ZNF475: variants seen among roughly 807,000 people sequenced by gnomAD.
ZNF475 encodes the protein zinc finger protein 475.
the ZNF475 span, among the ~76,000 whole-genome samples, chr5:122,165,202 T>G: frequency 6.6e-6 from 1 of 152,218 alleles, no homozygotes; most frequent in Non-Finnish European, 1.5e-5. Context: ...TGAATCAGTC[T>G]CAGCTGTGTT....
At chr5:122,173,494 T>C in the ZNF475 span, among the ~76,000 whole-genome samples, 2 of 152,226 alleles carry the variant, frequency 1.3e-5, no homozygotes, top group Non-Finnish European at 2.9e-5. Context: ...CCAGGTTATA[T>C]ACAATAATTA....
At chr5:122,167,842 C>T in the ZNF475 span, among the ~76,000 whole-genome samples, 3 of 152,174 alleles carry the variant, frequency 2.0e-5, no homozygotes, top group African/African-American at 7.2e-5. Context: ...CACTAATCTA[C>T]AGATTAGTTT....
the ZNF475 span, chr5:122,182,581 C>G: frequency 7.2e-6 from 11 of 1,535,476 alleles, no homozygotes; most frequent in Non-Finnish European, 9.6e-6. Context: ...TGTGGGCGTA[C>G]CTTCCTGCCA....
chr5:122,161,104 ATCT>A, the ZNF475 span, among the ~76,000 whole-genome samples: 1 of 152,226 alleles, frequency 6.6e-6, no homozygotes, highest in African/African-American at 2.4e-5. Flanking sequence ...TTGGGACTCC[ATCT>A]TCTTCTCTCC....
chr5:122,166,527 G>A, the ZNF475 span, among the ~76,000 whole-genome samples: 4 of 152,220 alleles, frequency 2.6e-5, no homozygotes, highest in East Asian at 5.8e-4. Flanking sequence ...AGTGTATGAT[G>A]TTCCCCACCC....
chr5:122,174,094 A>G, the ZNF475 span, among the ~76,000 whole-genome samples: 1 of 151,604 alleles, frequency 6.6e-6, no homozygotes, highest in African/African-American at 2.4e-5. Context: ...TGCCCTCCTT[A>G]CTCTGTTATG....
the ZNF475 span, among the ~76,000 whole-genome samples, chr5:122,170,404 C>T: frequency 9.2e-5 from 14 of 152,302 alleles, no homozygotes; most frequent in Non-Finnish European, 1.5e-4. Flanking sequence ...CCTCCCTTCA[C>T]GCTTAATAAT....
At chr5:122,163,157 T>G in the ZNF475 span, 1 of 141,042 alleles carries the variant, frequency 7.1e-6, no homozygotes, top group Non-Finnish European at 1.5e-5. Context: ...AGCTTCTCCC[T>G]GCCACTTCAC....
the ZNF475 span, among the ~76,000 whole-genome samples, chr5:122,181,106 A>G: frequency 6.6e-6 from 1 of 152,198 alleles, no homozygotes; most frequent in Non-Finnish European, 1.5e-5. Flanking sequence ...TACTGCCTAC[A>G]GATGGAAAAG....
At chr5:122,178,364 G>T in the ZNF475 span, among the ~76,000 whole-genome samples, 14 of 152,226 alleles carry the variant, frequency 9.2e-5, no homozygotes, top group Admixed American at 9.2e-4. Context: ...TGCACCAACA[G>T]TGTAAAAGCT....
chr5:122,180,231 C>A, the ZNF475 span, among the ~76,000 whole-genome samples: 2 of 152,076 alleles, frequency 1.3e-5, no homozygotes, highest in Non-Finnish European at 2.9e-5. Context: ...ATGTGTGCAC[C>A]AAAGGGGAGG....
At chr5:122,173,093 T>C in the ZNF475 span, among the ~76,000 whole-genome samples, 666 of 152,332 alleles carry the variant, frequency 4.4e-3, 6 homozygotes, top group African/African-American at 0.015. Context: ...AAACTGCTAG[T>C]AATGACTTCC....
At chr5:122,164,933 A>C in the ZNF475 span, among the ~76,000 whole-genome samples, 1 of 152,196 alleles carries the variant, frequency 6.6e-6, no homozygotes, top group Admixed American at 6.5e-5. Flanking sequence ...GCTTTGGACA[A>C]AGCTAAAAAA....
chr5:122,168,030 G>A, the ZNF475 span, among the ~76,000 whole-genome samples: 2 of 152,064 alleles, frequency 1.3e-5, no homozygotes, highest in African/African-American at 4.8e-5. Flanking sequence ...GTTTCCAGTT[G>A]CATTCGTGTT....
chr5:122,171,687 T>C, the ZNF475 span, among the ~76,000 whole-genome samples: 5 of 152,316 alleles, frequency 3.3e-5, no homozygotes, highest in East Asian at 7.7e-4. Flanking sequence ...AACTTATTTG[T>C]ACTGCTCCTT....
At chr5:122,166,181 G>A in the ZNF475 span, among the ~76,000 whole-genome samples, 1 of 152,218 alleles carries the variant, frequency 6.6e-6, no homozygotes, top group African/African-American at 2.4e-5. Context: ...GGAATAAATG[G>A]TGTGACACAA....
the ZNF475 span, among the ~76,000 whole-genome samples, chr5:122,166,519 T>C: frequency 6.6e-6 from 1 of 152,132 alleles, no homozygotes; most frequent in Non-Finnish European, 1.5e-5. Flanking sequence ...CAGGCCCCAG[T>C]GTATGATGTT....
the ZNF475 span, among the ~76,000 whole-genome samples, chr5:122,163,618 G>A: frequency 0.016 from 2,379 of 152,286 alleles, 60 homozygotes; most frequent in African/African-American, 0.054. Context: ...TTATCATGGA[G>A]AAAGAGAAAC....
the ZNF475 span, among the ~76,000 whole-genome samples, chr5:122,168,506 T>G: frequency 6.6e-6 from 1 of 152,158 alleles, no homozygotes; most frequent in East Asian, 1.9e-4. Context: ...GTCAGGAGAT[T>G]GAGACCATCC....
Sources: allele counts gnomAD v4.1 joint callset (sites outside exome capture counted in the v4.1 genomes callset), GRCh38; gene constraint gnomAD v4.1.1; transcripts MANE v1.5; gene names NCBI Gene and HGNC (gene_info 2026-07-23, HGNC 2026-07-21).